CFAP77: variants seen among roughly 807,000 people sequenced by gnomAD.
CFAP77 encodes the protein cilia- and flagella-associated protein 77.
In CFAP77, 25 loss-of-function variants were observed where a neutral mutation model predicts 31.1. That is an observed-to-expected ratio of 0.80 (90% CI 0.59 to 1.12). The LOEUF (loss-of-function observed/expected upper bound fraction) is 1.12. Among genes scored for constraint, CFAP77 ranks in the 50% most tolerant of loss-of-function variants. The pLI is 0.00. For missense variants in CFAP77, 377 were observed against 397.3 expected (o/e 0.95, Z 0.44); for synonymous variants, 151 against 159.9 (o/e 0.94, Z 0.42).
intron 3 of CFAP77, among the ~76,000 whole-genome samples, chr9:132,523,099 T>C (rs1410497942): frequency 6.6e-6 from 1 of 151,700 alleles, no homozygotes; most frequent in Non-Finnish European, 1.5e-5. Flanking sequence ...TTTTTTTTTT[T>C]TTTTTTGAGA....
intron 1 of CFAP77, among the ~76,000 whole-genome samples, chr9:132,491,339 C>G (rs576874923): frequency 6.6e-6 from 1 of 152,080 alleles, no homozygotes; most frequent in East Asian, 1.9e-4. Flanking sequence ...TGGTGGTGCA[C>G]GCCTGTATTC....
At chr9:132,524,537 T>C (rs60273348) in intron 3 of CFAP77, among the ~76,000 whole-genome samples, 1 of 151,568 alleles carries the variant, frequency 6.6e-6, no homozygotes, top group African/African-American at 2.4e-5. Context: ...CACTTGAACC[T>C]GGGAGGCGGA....
intron 1 of CFAP77, among the ~76,000 whole-genome samples, chr9:132,487,924 TC>T (rs1459259020): frequency 6.6e-6 from 1 of 152,234 alleles, no homozygotes; most frequent in African/African-American, 2.4e-5. Context: ...ATTGTGCTTT[TC>T]ATTCGAGGAT....
rs1398531595 is a variant in CFAP77, at chr9:132,565,199, C to T, written c.733-7189C>T. On this transcript the variant is annotated intron_variant, in intron 5 of 5. Coordinates refer to ENST00000393216, the MANE Select transcript of CFAP77 (RefSeq NM_001282957.2). This position sits in a 1 kb window ranked among gnomAD's most constrained non-coding sequence, Gnocchi z 4.1. Reference sequence around the variant, plus strand: ...CCTGCTGCCCATAACAGCAATGGCTCGCTTTCATTTCCTGGAATTCACCCC... The same window carrying T: ...CCTGCTGCCCATAACAGCAATGGCTTGCTTTCATTTCCTGGAATTCACCCC... 1.3e-5 allele frequency among the ~76,000 whole-genome samples: 2 copies of T among 151,640 alleles called. No individual in the cohort carries two copies. Among genetic ancestry groups the T allele is most frequent in the African/African-American group, 4.9e-5 (2 of 41,224 alleles).
intron 3 of CFAP77, among the ~76,000 whole-genome samples, chr9:132,535,502 A>G (rs1852526999): frequency 6.6e-6 from 1 of 152,132 alleles, no homozygotes; most frequent in Non-Finnish European, 1.5e-5. Context: ...ACTTGAGGTC[A>G]GGAGTTTGAG....
At chr9:132,563,561 T>C (rs1380094018) in intron 5 of CFAP77, among the ~76,000 whole-genome samples, 2 of 152,202 alleles carry the variant, frequency 1.3e-5, no homozygotes, top group South Asian at 2.1e-4. Context: ...TCCCGGCATT[T>C]ATTGACATGG....
chr9:132,529,398 C>T (rs1472644618), intron 3 of CFAP77, among the ~76,000 whole-genome samples: 1 of 140,238 alleles, frequency 7.1e-6, no homozygotes, highest in Non-Finnish European at 1.6e-5. Flanking sequence ...GGGAGATATA[C>T]CTAATGCTAA....
Position 132,542,966 on chromosome 9 carries a change from T to A in CFAP77, c.651T>A (p.Tyr217Ter). 6.2e-7 allele frequency: 1 copy of A among 1,613,756 alleles called. No homozygotes were observed. The highest frequency in any genetic ancestry group is 1.1e-5 in the South Asian group (1 of 91,072). ...TACAGGTGGTCCTTGGGAAGCTGTATGAGACCCGGAGCAGTCAGCTGAGGA... is the reference window on the plus strand; with the variant it reads ...TACAGGTGGTCCTTGGGAAGCTGTAAGAGACCCGGAGCAGTCAGCTGAGGA... ...KKQKVVLGKL[Y>*]ETRSSQLRKY... is the part of the protein sequence containing the mutation. The change falls in exon 5 of 6, where the codon TAT becomes TAA. Residue 217 changes from tyrosine (Y) to a stop codon, truncating the protein, a stop_gained. Coordinates refer to ENST00000393216, the MANE Select transcript of CFAP77 (RefSeq NM_001282957.2). LOFTEE classifies it high-confidence loss of function.
chr9:132,419,717 A>G (rs1377077781), intron 1 of CFAP77, among the ~76,000 whole-genome samples: 1 of 152,196 alleles, frequency 6.6e-6, no homozygotes, highest in Non-Finnish European at 1.5e-5. Flanking sequence ...AAGACTGCTA[A>G]TGAACCCATC....
intron 1 of CFAP77, among the ~76,000 whole-genome samples, chr9:132,486,090 A>ATATATTTTT (rs1281539306): frequency 1.3e-4 from 2 of 15,356 alleles, no homozygotes; most frequent in African/African-American, 8.6e-4. Context: ...ATATATATAT[A>ATATATTTTT]TTTTTTTTTT....
Position 132,480,764 on chromosome 9 carries a change from G to A in CFAP77, c.196-17931G>A, listed in dbSNP as rs1229114515. ...TAGCGGGGCCAGGCGCCGGTGAGGA[G>A]AGGGATGTGTCAGCCTGAGCACAGA... On this transcript the variant is annotated intron_variant, in intron 1 of 5. Transcript: ENST00000393216. This position sits in a 1 kb window ranked among gnomAD's most constrained non-coding sequence, Gnocchi z 5.8. Among the ~76,000 whole-genome samples, 2 of 152,154 alleles carry A rather than the reference G, an allele frequency of 1.3e-5. No individual in the cohort carries two copies. Among genetic ancestry groups the A allele is most frequent in the Non-Finnish European group, 2.9e-5 (2 of 68,036 alleles).
chr9:132,547,056 C>A (rs1329151025), intron 5 of CFAP77, among the ~76,000 whole-genome samples: 3 of 152,234 alleles, frequency 2.0e-5, no homozygotes, highest in Non-Finnish European at 2.9e-5. Flanking sequence ...GACATGAACT[C>A]ATTTTCTCCC....
Position 132,519,220 on chromosome 9 carries a change from GTGGGTGGATGGT to G in CFAP77, c.525-18369_525-18358del, listed in dbSNP as rs1473843397. On this transcript the variant is annotated intron_variant, in intron 3 of 5. Coordinates refer to ENST00000393216, the MANE Select transcript of CFAP77 (RefSeq NM_001282957.2). ...GATGGATGGGTGGGTGGGTAGGTGA[GTGGGTGGATGGT>G]TGGGTGGATGGATGGATAGGTGGAT... is the stretch of plus-strand genomic sequence containing the variant. 9.8e-5 allele frequency among the ~76,000 whole-genome samples: 14 copies of G among 142,872 alleles called. No homozygotes were observed. The South Asian group carries it at 1.4e-3, about 15-fold the overall frequency. 93.7% of individuals were successfully genotyped at this position (142,872 alleles called of 152,430 possible).
At position 132,543,058 on chromosome 9, in the gene CFAP77, C is replaced by A; in HGVS notation, c.732+11C>A. 1 of 1,607,944 alleles carries A rather than the reference C, an allele frequency of 6.2e-7. No individual in the cohort carries two copies. The highest frequency in any genetic ancestry group is 8.5e-7 in the Non-Finnish European group (1 of 1,174,352). On this transcript the variant is annotated intron_variant, in intron 5 of 5. Transcript: ENST00000393216. ...CCTCACTTCCAGAAGGTCAGTGTCACCTTCATCCACACCCCTCCCTGCACC... is the reference window on the plus strand; with the variant it reads ...CCTCACTTCCAGAAGGTCAGTGTCAACTTCATCCACACCCCTCCCTGCACC...
chr9:132,421,544 C>T (rs1850216190), intron 1 of CFAP77: 1 of 152,192 alleles, frequency 6.6e-6, no homozygotes, highest in African/African-American at 2.4e-5. Context: ...AAAAGCTTCC[C>T]AGGAAAAGGG....
At chr9:132,453,360 G>C (rs1042686501) in intron 1 of CFAP77, among the ~76,000 whole-genome samples, 1 of 149,094 alleles carries the variant, frequency 6.7e-6, no homozygotes, top group African/African-American at 2.6e-5. Flanking sequence ...CTCCGTCTCT[G>C]CTAAAATACA....
chr9:132,465,099 A>C (rs1467924881), intron 1 of CFAP77, among the ~76,000 whole-genome samples: 2 of 151,554 alleles, frequency 1.3e-5, no homozygotes, highest in Non-Finnish European at 2.9e-5. Flanking sequence ...AAAAAGAAAA[A>C]AAGAAAGAAA....
intron 1 of CFAP77, among the ~76,000 whole-genome samples, chr9:132,484,677 A>G (rs558584294): frequency 6.7e-6 from 1 of 150,244 alleles, no homozygotes; most frequent in South Asian, 2.1e-4. Context: ...ATTGTGAATA[A>G]CGCTGCTATG....
chr9:132,543,744 TA>T (rs1852685600), intron 5 of CFAP77, among the ~76,000 whole-genome samples: 1 of 152,164 alleles, frequency 6.6e-6, no homozygotes, highest in Non-Finnish European at 1.5e-5. Flanking sequence ...CTGACCTAGA[TA>T]AGGACCCAGG....
Sources: allele counts gnomAD v4.1 joint callset (sites outside exome capture counted in the v4.1 genomes callset), GRCh38; gene constraint gnomAD v4.1.1; non-coding constraint Gnocchi (gnomAD v3.1); transcripts MANE v1.5; gene names NCBI Gene and HGNC (gene_info 2026-07-23, HGNC 2026-07-21).